Variants in SLC35D4 observed in about 807,000 individuals in gnomAD.
The protein encoded by SLC35D4 is UDP-N-acetylglucosamine transporter SLC35D4.
chr18:23,260,871 T>C, the SLC35D4 span, among the ~76,000 whole-genome samples: 2 of 152,000 alleles, frequency 1.3e-5, no homozygotes, highest in Admixed American at 1.3e-4. Context: ...CTTCCAGTCA[T>C]GCAGCTGCAA....
the SLC35D4 span, among the ~76,000 whole-genome samples, chr18:23,323,764 A>G: frequency 1.3e-5 from 2 of 152,120 alleles, no homozygotes; most frequent in Non-Finnish European, 2.9e-5. Flanking sequence ...AGCCCTCACC[A>G]TGAGATTCGT....
chr18:23,283,347 G>A, the SLC35D4 span, among the ~76,000 whole-genome samples: 1 of 151,698 alleles, frequency 6.6e-6, no homozygotes, highest in Admixed American at 6.6e-5. Context: ...CAGGCATGGT[G>A]GTGCATGTCC....
chr18:23,286,183 TTC>T, the SLC35D4 span, among the ~76,000 whole-genome samples: 9 of 152,174 alleles, frequency 5.9e-5, no homozygotes, highest in Non-Finnish European at 7.3e-5. Context: ...AGAAACATAT[TTC>T]TGAGTTGCAA....
At chr18:23,257,551 C>T in the SLC35D4 span, 5 of 611,880 alleles carry the variant, frequency 8.2e-6, no homozygotes, top group Non-Finnish European at 1.3e-5. Flanking sequence ...CAAGAGGAGC[C>T]ATGAGCTATG....
the SLC35D4 span, chr18:23,252,884 T>G: frequency 3.3e-6 from 3 of 921,440 alleles, no homozygotes; most frequent in Non-Finnish European, 1.8e-6. Context: ...AGTTGTAAGT[T>G]GGTCGTAGTT....
At chr18:23,381,458 GC>G in the SLC35D4 span, among the ~76,000 whole-genome samples, 1 of 152,062 alleles carries the variant, frequency 6.6e-6, no homozygotes, top group Non-Finnish European at 1.5e-5. Context: ...TCCTGCCTTG[GC>G]CTCCCAAAGC....
chr18:23,276,992 C>T, the SLC35D4 span, among the ~76,000 whole-genome samples: 6 of 152,346 alleles, frequency 3.9e-5, no homozygotes, highest in South Asian at 6.2e-4. Context: ...TGCTGCAAAT[C>T]GAACCACCTC....
At chr18:23,298,102 C>T in the SLC35D4 span, 1 of 1,612,934 alleles carries the variant, frequency 6.2e-7, no homozygotes, top group African/African-American at 1.3e-5. Flanking sequence ...CTCTCCACTC[C>T]CCCGGGACCC....
At chr18:23,314,463 G>C in the SLC35D4 span, among the ~76,000 whole-genome samples, 30 of 152,274 alleles carry the variant, frequency 2.0e-4, 1 homozygote, top group Middle Eastern at 3.4e-3. Context: ...CTTACCCTGG[G>C]GGGGGCTACT....
the SLC35D4 span, among the ~76,000 whole-genome samples, chr18:23,324,072 G>C: frequency 1.3e-5 from 2 of 149,952 alleles, no homozygotes; most frequent in Non-Finnish European, 3.0e-5. Flanking sequence ...GAGGAAGTGA[G>C]ACTCTGTCTC....
At chr18:23,327,742 A>T in the SLC35D4 span, among the ~76,000 whole-genome samples, 4 of 152,334 alleles carry the variant, frequency 2.6e-5, no homozygotes, top group African/African-American at 9.6e-5. Flanking sequence ...CTTGGCAGAG[A>T]CACAACAAAA....
chr18:23,323,754 A>T, the SLC35D4 span, among the ~76,000 whole-genome samples: 2 of 152,152 alleles, frequency 1.3e-5, no homozygotes, highest in Non-Finnish European at 2.9e-5. Context: ...ATGAATGTGG[A>T]GCCCTCACCA....
chr18:23,262,567 T>C, the SLC35D4 span, among the ~76,000 whole-genome samples: 1 of 152,256 alleles, frequency 6.6e-6, no homozygotes, highest in Non-Finnish European at 1.5e-5. Context: ...TCTGTGGGCT[T>C]CCTGATGTCG....
the SLC35D4 span, among the ~76,000 whole-genome samples, chr18:23,242,171 A>G: frequency 1.3e-5 from 2 of 152,116 alleles, no homozygotes; most frequent in East Asian, 1.9e-4. Context: ...CTGGCTACTC[A>G]GGAGGCTGAG....
At chr18:23,368,603 C>T in the SLC35D4 span, 34 of 714,410 alleles carry the variant, frequency 4.8e-5, no homozygotes, top group South Asian at 6.4e-4. Context: ...AATTCTGTAA[C>T]TTATCTTCCT....
At chr18:23,348,522 G>A in the SLC35D4 span, among the ~76,000 whole-genome samples, 5 of 152,142 alleles carry the variant, frequency 3.3e-5, no homozygotes, top group Admixed American at 6.6e-5. Context: ...TGTTTTAGGT[G>A]TATATATATT....
chr18:23,405,092 C>A, the SLC35D4 span, among the ~76,000 whole-genome samples: 12 of 151,028 alleles, frequency 7.9e-5, no homozygotes, highest in Non-Finnish European at 1.8e-4. Context: ...CTCCTATGAA[C>A]CAGAAAAGTG....
At chr18:23,308,739 TG>T in the SLC35D4 span, among the ~76,000 whole-genome samples, 4 of 152,322 alleles carry the variant, frequency 2.6e-5, no homozygotes, top group Non-Finnish European at 5.9e-5. Context: ...TGAGGCATGC[TG>T]TCTTTATGCA....
At chr18:23,297,918 A>G in the SLC35D4 span, 1 of 1,484,944 alleles carries the variant, frequency 6.7e-7, no homozygotes, top group South Asian at 1.1e-5. Flanking sequence ...GACACATCCA[A>G]CAGGGAGCTA....
Sources: allele counts gnomAD v4.1 joint callset (sites outside exome capture counted in the v4.1 genomes callset), GRCh38; gene constraint gnomAD v4.1.1; transcripts MANE v1.5; gene names NCBI Gene and HGNC (gene_info 2026-07-23, HGNC 2026-07-21).